Variants in GALNT9 observed in about 807,000 individuals in gnomAD.
GALNT9 encodes the protein polypeptide N-acetylgalactosaminyltransferase 9.
In GALNT9, 47 loss-of-function variants were observed where a neutral mutation model predicts 63.1. The ratio of observed to expected loss-of-function variants is 0.75; its 90% CI spans 0.59 to 0.95. The LOEUF (loss-of-function observed/expected upper bound fraction) is 0.95, where lower values mean the gene tolerates loss of function less well. Among genes scored for constraint, GALNT9 ranks in the 40% least tolerant of loss-of-function variants. GALNT9 has a pLI of 0.00. For synonymous variants in GALNT9, 396 were observed against 365.7 expected (o/e 1.08, Z -0.94); for missense variants, 829 against 874.8 (o/e 0.95, Z 0.66).
At chr12:132,220,180 G>A (rs1877397571) in intron 6 of GALNT9, among the ~76,000 whole-genome samples, 1 of 152,182 alleles carries the variant, frequency 6.6e-6, no homozygotes, top group African/African-American at 2.4e-5. Flanking sequence ...GATCACCTAA[G>A]CCCAGGAGTT....
chr12:132,247,001 T>A (rs1335304962), intron 6 of GALNT9, among the ~76,000 whole-genome samples: 2 of 152,242 alleles, frequency 1.3e-5, no homozygotes, highest in Admixed American at 6.5e-5. Flanking sequence ...TATAAATTTT[T>A]AAAACTAGCC....
chr12:132,298,012 C>A (rs1944324989), intron 1 of GALNT9, among the ~76,000 whole-genome samples: 1 of 152,072 alleles, frequency 6.6e-6, no homozygotes, highest in Non-Finnish European at 1.5e-5. Flanking sequence ...AAAATCAACT[C>A]CCAAAATTAC....
chr12:132,256,501 C>T (rs1039759374), intron 5 of GALNT9, among the ~76,000 whole-genome samples: 2 of 149,876 alleles, frequency 1.3e-5, no homozygotes, highest in Admixed American at 1.3e-4. Flanking sequence ...TTTGCATGTA[C>T]GCATGTCTCA....
chr12:132,238,544 C>T lies in GALNT9; in HGVS notation c.1077+9366G>A, dbSNP rs1331174151. On this transcript the variant is annotated intron_variant, in intron 6 of 10. Transcript: ENST00000328957. The surrounding 1 kb of genome is among the most constrained non-coding windows in gnomAD (Gnocchi z 6.5). ...GCCCAGGACAGGCCAGAGGGCGGGG[C>T]CGTGGCATGGGGAGGGGCTGCCCTA... 5.3e-5 allele frequency among the ~76,000 whole-genome samples: 8 copies of T among 152,086 alleles called. No homozygotes were observed. Among genetic ancestry groups the T allele is most frequent in the African/African-American group, 1.9e-4 (8 of 41,406 alleles).
At chr12:132,229,212 C>T (rs1180196796) in intron 6 of GALNT9, among the ~76,000 whole-genome samples, 2 of 152,362 alleles carry the variant, frequency 1.3e-5, no homozygotes, top group South Asian at 2.1e-4. Flanking sequence ...GTGGCCGCTC[C>T]GTGCACCGTT....
chr12:132,196,722 G>A lies in GALNT9; in HGVS notation c.*385C>T. 9.9e-7 allele frequency: 1 copy of A among 1,012,354 alleles called. No individual in the cohort carries two copies. The highest frequency in any genetic ancestry group is 1.2e-6 in the Non-Finnish European group (1 of 847,598). 62.7% of individuals were successfully genotyped at this position (1,012,354 alleles called of 1,614,324 possible). A position where few individuals can be genotyped will look rare whatever the true frequency, so the allele number is the denominator to read the frequency against. On this transcript the variant is annotated 3_prime_UTR_variant, in exon 11 of 11. Coordinates refer to ENST00000328957, the MANE Select transcript of GALNT9 (RefSeq NM_001122636.2). ...CTTGGAGCATGGGAGGCCTGCGGGT[G>A]GAAGACACCAGGGTGCAGCCTGGTG...
At chr12:132,197,750 G>GGC in intron 10 of GALNT9, 42 bp downstream of exon 10, 2 of 1,266,532 alleles carry the variant, frequency 1.6e-6, no homozygotes, top group East Asian at 2.6e-5. Flanking sequence ...CAGCAGCCCT[G>GGC]CCCCGCCCCA....
intron 1 of GALNT9, among the ~76,000 whole-genome samples, chr12:132,328,108 C>T (rs1869120221): frequency 6.6e-6 from 1 of 152,210 alleles, no homozygotes; most frequent in South Asian, 2.1e-4. Flanking sequence ...CGCCCCGGTG[C>T]AGAGTGGCCT....
chr12:132,247,395 G>A (rs1224946410), intron 6 of GALNT9: 4 of 346,532 alleles, frequency 1.2e-5, no homozygotes, highest in Non-Finnish European at 2.3e-5. Context: ...TCTCAGTGAT[G>A]TTGCCACTGA....
chr12:132,201,259 G>A lies in GALNT9; in HGVS notation c.1266C>T (p.Asn422=). 1.9e-6 allele frequency: 3 copies of A among 1,611,514 alleles called. No homozygotes were observed. Among genetic ancestry groups the A allele is most frequent in the Non-Finnish European group, 2.5e-6 (3 of 1,177,916 alleles). ...ACACGTCCCCGAAGTCCACCCCTGG[G>A]TTCTGCAAGGCCAGAAGTAGGTGAG... ...VYMAWNIPMS[N]PGVDFGDVSE... The change falls in exon 8 of 11, where the codon AAC becomes AAT. Residue 422 remains asparagine (N), a splice_region_variant and synonymous_variant. Coordinates refer to ENST00000328957, the MANE Select transcript of GALNT9 (RefSeq NM_001122636.2).
At chr12:132,291,959 C>T (rs986435193) in intron 1 of GALNT9, among the ~76,000 whole-genome samples, 13 of 152,212 alleles carry the variant, frequency 8.5e-5, no homozygotes, top group African/African-American at 3.1e-4. Flanking sequence ...CCCTGCAGCC[C>T]TCGTGGGTCG....
In GALNT9 at chr12:132,197,833, C is replaced by T. The variant is rs771379482; in HGVS notation, c.1624G>A (p.Asp542Asn). The T allele has an allele frequency of 2.5e-6, 4 of 1,584,138 alleles. No homozygotes were observed. The highest frequency in any genetic ancestry group is 3.4e-6 in the Non-Finnish European group (4 of 1,164,068). ...GRMPTLKKCE[D>N]VARPTQRLWD... ...AGCCGCTGTGTTGGCCGCGCCACATCCTCACACTTCTTCAGGGTGGGCATG... is the reference window on the plus strand; with the variant it reads ...AGCCGCTGTGTTGGCCGCGCCACATTCTCACACTTCTTCAGGGTGGGCATG... The change falls in exon 10 of 11, where the codon GAT becomes AAT. Residue 542 changes from aspartate to asparagine, a missense_variant. By Grantham distance (23) the Asp-to-Asn change is conservative. Transcript: ENST00000328957.
intron 6 of GALNT9, among the ~76,000 whole-genome samples, chr12:132,243,751 G>C (rs1333863948): frequency 3.9e-5 from 6 of 152,090 alleles, no homozygotes; most frequent in African/African-American, 1.4e-4. Flanking sequence ...ATGCCACCAC[G>C]CACCGGCTGG....
intron 6 of GALNT9, among the ~76,000 whole-genome samples, chr12:132,217,157 A>C (rs1375557645): frequency 6.6e-6 from 1 of 152,084 alleles, no homozygotes; most frequent in Non-Finnish European, 1.5e-5. Context: ...TCACCCACCT[A>C]GCCACTATCT....
chr12:132,269,190 C>A (rs868921534), intron 2 of GALNT9, among the ~76,000 whole-genome samples: 1 of 151,104 alleles, frequency 6.6e-6, no homozygotes, highest in Non-Finnish European at 1.5e-5. Context: ...AGCGCTGAGG[C>A]AGGGGGAGGC....
At chr12:132,301,480 C>T (rs117007443) in intron 1 of GALNT9, among the ~76,000 whole-genome samples, 3 of 152,374 alleles carry the variant, frequency 2.0e-5, no homozygotes, top group East Asian at 1.9e-4. Flanking sequence ...ACTTCCCCTC[C>T]GGGGCACATA....
intron 5 of GALNT9, among the ~76,000 whole-genome samples, chr12:132,249,361 A>G (rs1301759687): frequency 6.6e-5 from 10 of 152,216 alleles, no homozygotes; most frequent in African/African-American, 2.2e-4. Context: ...GGCCTCTGTC[A>G]TAATTTAAAG....
rs1224739145 is a variant in GALNT9, at chr12:132,319,469, C to G, written c.238+9497G>C. ...ACCCTGGCTCTTAGGTCTCTGCACTCAGGCCAAAGGACCCCACCCAGCTTC... is the reference window on the plus strand; with the variant it reads ...ACCCTGGCTCTTAGGTCTCTGCACTGAGGCCAAAGGACCCCACCCAGCTTC... On this transcript the variant is annotated intron_variant, in intron 1 of 10. Transcript: ENST00000328957. This position sits in a 1 kb window ranked among gnomAD's most constrained non-coding sequence, Gnocchi z 5.2. Among the ~76,000 whole-genome samples the G allele has an allele frequency of 6.6e-6, 1 of 152,128 alleles. No individual in the cohort carries two copies. The highest frequency in any genetic ancestry group is 2.4e-5 in the African/African-American group (1 of 41,436).
intron 1 of GALNT9, among the ~76,000 whole-genome samples, chr12:132,301,224 C>G (rs1352520324): frequency 6.6e-6 from 1 of 152,262 alleles, no homozygotes; most frequent in African/African-American, 2.4e-5. Flanking sequence ...AGGCACCACC[C>G]CTGTATGGTG....
Sources: allele counts gnomAD v4.1 joint callset (sites outside exome capture counted in the v4.1 genomes callset), GRCh38; gene constraint gnomAD v4.1.1; non-coding constraint Gnocchi (gnomAD v3.1); transcripts MANE v1.5; gene names NCBI Gene and HGNC (gene_info 2026-07-23, HGNC 2026-07-21).